PTPRT: variants seen among roughly 807,000 people sequenced by gnomAD.
PTPRT encodes receptor-type tyrosine-protein phosphatase T.
PTPRT carries 56 observed loss-of-function variants against 176.8 expected under a neutral mutation model. The ratio of observed to expected loss-of-function variants is 0.32; its 90% CI spans 0.26 to 0.40. PTPRT has a LOEUF of 0.40. Among genes scored for constraint, PTPRT ranks in the 10% least tolerant of loss-of-function variants. The pLI is 1.00. For missense variants in PTPRT, 1,540 were observed against 1,908.2 expected (o/e 0.81, Z 3.60); for synonymous variants, 783 against 739.0 (o/e 1.06, Z -0.96).
At chr20:43,109,698 T>C (rs1330888286) in intron 1 of PTPRT, among the ~76,000 whole-genome samples, 2 of 151,826 alleles carry the variant, frequency 1.3e-5, no homozygotes, top group African/African-American at 4.8e-5. Context: ...GATAAGCCAA[T>C]ATAGAAAAAT....
intron 6 of PTPRT, among the ~76,000 whole-genome samples, chr20:42,712,646 G>A (rs1188183567): frequency 2.0e-5 from 3 of 152,132 alleles, no homozygotes; most frequent in Admixed American, 2.0e-4. Flanking sequence ...GTGATTTCCA[G>A]CTTAAAATAT....
chr20:42,572,916 GTTTTTGTT>G (rs899334913), intron 7 of PTPRT, among the ~76,000 whole-genome samples: 2 of 116,780 alleles, frequency 1.7e-5, no homozygotes, highest in Non-Finnish European at 3.3e-5. Context: ...CTAGAGATAA[GTTTTTGTT>G]TTTTTTTTTT....
chr20:42,578,962 G>A (rs1224827939), intron 7 of PTPRT, among the ~76,000 whole-genome samples: 7 of 122,640 alleles, frequency 5.7e-5, no homozygotes, highest in African/African-American at 3.7e-5. Flanking sequence ...CAATGTGCAC[G>A]TTTGTTACAT....
At chr20:42,448,902 A>G (rs1465244583) in intron 8 of PTPRT, among the ~76,000 whole-genome samples, 1 of 152,162 alleles carries the variant, frequency 6.6e-6, no homozygotes. Flanking sequence ...ACGTTGTAAG[A>G]AAGTTTATGA....
rs143300797 is a variant in PTPRT at position 42,805,813 on chromosome 20, G to A, written c.215-14347C>T. Among the ~76,000 whole-genome samples the A allele has an allele frequency of 6.6e-5, 10 of 152,166 alleles. No individual in the cohort carries two copies. The East Asian group carries it at 1.4e-3, about 21-fold the overall frequency. ...GCATCACTTTTATAGTATAGATCAC[G>A]TGCCCATATGCAATTTATTGAGTCT... On this transcript the variant is annotated intron_variant, in intron 2 of 30. Coordinates refer to ENST00000373187, the MANE Select transcript of PTPRT (RefSeq NM_007050.6).
At position 42,634,034 on chromosome 20, in the gene PTPRT, AT is replaced by A. The variant is rs1347853924; in HGVS notation, c.1153+43831del. Reference sequence around the variant, plus strand: ...ATAATATATATATAATATATATATTATATATATTATATATATATTATAAATA... The same window carrying A: ...ATAATATATATATAATATATATATTAATATATTATATATATATTATAAATA... On this transcript the variant is annotated intron_variant, in intron 7 of 30. Coordinates refer to ENST00000373187, the MANE Select transcript of PTPRT (RefSeq NM_007050.6). Among the ~76,000 whole-genome samples, 19 of 28,538 alleles carry A rather than the reference AT, an allele frequency of 6.7e-4. 1 individual carries two copies. Among genetic ancestry groups the A allele is most frequent in the African/African-American group, 2.5e-3 (13 of 5,114 alleles). 18.7% of individuals were successfully genotyped at this position (28,538 alleles called of 152,430 possible). A position where few individuals can be genotyped will look rare whatever the true frequency, so the allele number is the denominator to read the frequency against.
intron 11 of PTPRT, among the ~76,000 whole-genome samples, chr20:42,349,013 G>T (rs1455945960): frequency 2.0e-5 from 3 of 152,208 alleles, no homozygotes; most frequent in Non-Finnish European, 2.9e-5. Context: ...ATTGTCCAAA[G>T]ACTTCAGACT....
intron 12 of PTPRT, among the ~76,000 whole-genome samples, chr20:42,283,429 C>G (rs767138657): frequency 1.3e-5 from 2 of 152,070 alleles, no homozygotes; most frequent in African/African-American, 2.4e-5. Context: ...CACAAAGAAC[C>G]ATTGCATCTT....
At chr20:42,850,517 TG>T (rs1403755888) in intron 2 of PTPRT, among the ~76,000 whole-genome samples, 5 of 152,244 alleles carry the variant, frequency 3.3e-5, no homozygotes, top group Non-Finnish European at 5.9e-5. Context: ...GTTAGGAGAC[TG>T]GGCCATTAAC....
chr20:42,299,881 T>A (rs1461242965), intron 12 of PTPRT, among the ~76,000 whole-genome samples: 1 of 151,562 alleles, frequency 6.6e-6, no homozygotes, highest in Non-Finnish European at 1.5e-5. Flanking sequence ...TCTCTTGACC[T>A]CATGATCCAT....
chr20:42,508,861 G>A (rs114496221), intron 7 of PTPRT, among the ~76,000 whole-genome samples: 43 of 147,142 alleles, frequency 2.9e-4, no homozygotes, highest in Non-Finnish European at 5.7e-4. Context: ...AATGATGGCT[G>A]TTTATCCTTA....
rs188243984 is a variant in PTPRT, at chr20:43,094,756, C to A, written c.88+94890G>T. Among the ~76,000 whole-genome samples the A allele has an allele frequency of 1.4e-3, 210 of 152,226 alleles. 1 individual carries two copies. Among genetic ancestry groups the A allele is most frequent in the Non-Finnish European group, 1.8e-3 (121 of 68,016 alleles). ...TTTGGCTTCCCTGTTACTACGGGAG[C>A]TCTATAGGGCCTCATCTGTCTACAC... On this transcript the variant is annotated intron_variant, in intron 1 of 30. Transcript: ENST00000373187.
chr20:42,323,375 G>A (rs1160152540), intron 11 of PTPRT, among the ~76,000 whole-genome samples: 4 of 151,844 alleles, frequency 2.6e-5, no homozygotes, highest in Admixed American at 6.6e-5. Context: ...GTCCAACAAT[G>A]ATAGACTGGA....
intron 1 of PTPRT, among the ~76,000 whole-genome samples, chr20:43,162,354 T>A (rs1164837860): frequency 6.6e-6 from 1 of 152,202 alleles, no homozygotes; most frequent in Non-Finnish European, 1.5e-5. Flanking sequence ...GCGGATCTTA[T>A]AACTATGCCC....
chr20:42,965,175 A>G (rs1235204838), intron 1 of PTPRT, among the ~76,000 whole-genome samples: 1 of 152,182 alleles, frequency 6.6e-6, no homozygotes, highest in Non-Finnish European at 1.5e-5. Flanking sequence ...CAAACCCAAA[A>G]TGCTATAAAT....
chr20:43,142,974 C>A lies in PTPRT; in HGVS notation c.88+46672G>T, dbSNP rs117783501. Among the ~76,000 whole-genome samples the A allele has an allele frequency of 2.4e-3, 365 of 152,306 alleles. 10 individuals are homozygous for A. The East Asian group carries it at 0.061, about 25-fold the overall frequency. On this transcript the variant is annotated intron_variant, in intron 1 of 30. Coordinates refer to ENST00000373187, the MANE Select transcript of PTPRT (RefSeq NM_007050.6). ...CAATTACCCTTGAAGTAAGCATCATCATCTCCACCTTACAAATAAGTGAAC... is the reference window on the plus strand; with the variant it reads ...CAATTACCCTTGAAGTAAGCATCATAATCTCCACCTTACAAATAAGTGAAC...
intron 7 of PTPRT, among the ~76,000 whole-genome samples, chr20:42,618,190 G>T (rs1262281720): frequency 8.3e-6 from 1 of 121,128 alleles, no homozygotes; most frequent in Non-Finnish European, 1.7e-5. Context: ...CCTTCATTTC[G>T]TTATGTACCC....
chr20:42,118,254 G>T, intron 21 of PTPRT, 149 bp downstream of exon 21: 1 of 516,372 alleles, frequency 1.9e-6, no homozygotes. Context: ...TTGCTTGAAT[G>T]TGGAATAGGA....
intron 7 of PTPRT, among the ~76,000 whole-genome samples, chr20:42,575,765 G>A (rs890243530): frequency 1.1e-4 from 16 of 152,038 alleles, no homozygotes; most frequent in South Asian, 2.1e-4. Context: ...AAGGCCTGTC[G>A]ATGTTACCTT....
Sources: allele counts gnomAD v4.1 joint callset (sites outside exome capture counted in the v4.1 genomes callset), GRCh38; gene constraint gnomAD v4.1.1; transcripts MANE v1.5; gene names NCBI Gene and HGNC (gene_info 2026-07-23, HGNC 2026-07-21).